The following MROH2A variants were observed in gnomAD, a reference collection of about 807,000 sequenced individuals.
MROH2A encodes maestro heat-like repeat-containing protein family member 2A.
Under a neutral mutation model 200.4 loss-of-function variants are expected in MROH2A, and 174 were observed. That is an observed-to-expected ratio of 0.87 (90% confidence interval 0.77 to 0.98). The LOEUF (loss-of-function observed/expected upper bound fraction) is 0.98, where lower values mean the gene tolerates loss of function less well. Among genes scored for constraint, MROH2A ranks in the 50% least tolerant of loss-of-function variants. The probability of loss-of-function intolerance (pLI) is 0.00; values close to 1 mark genes in which losing one functional copy is unlikely to be tolerated. For missense variants in MROH2A, 2,045 were observed against 2,139.6 expected, an observed-to-expected ratio of 0.96 and a Z score of 0.87; for synonymous variants, 829 against 840.4, an observed-to-expected ratio of 0.99 and a Z score of 0.23.
intron 24 of MROH2A, 146 bp from the exon 25 acceptor site, chr2:233,813,524 G>A (rs1703314507): frequency 1.7e-6 from 1 of 599,754 alleles, no homozygotes; most frequent in South Asian, 2.0e-5. Context: ...AGGGCCCCTG[G>A]GGAGGGATGC....
chr2:233,809,896 C>A (rs1340113563), intron 22 of MROH2A, among the ~76,000 whole-genome samples: 1 of 120,184 alleles, frequency 8.3e-6, no homozygotes, highest in Non-Finnish European at 1.7e-5. Flanking sequence ...CCATTCAACA[C>A]CAACTCTCCA....
Position 233,807,418 on chromosome 2 carries a change from T to C in MROH2A, c.2053-5T>C, listed in dbSNP as rs1702871116. ...TGAGCTCCTTCCTCCCTTCTGCCTC[T>C]CCAGGGCTTTCTGTACCGGGCCTTG... is the stretch of plus-strand genomic sequence containing the variant. On this transcript the variant is annotated splice_polypyrimidine_tract_variant and splice_region_variant and intron_variant, in intron 19 of 41. Coordinates refer to ENST00000389758, the MANE Select transcript of MROH2A (RefSeq NM_001394639.1). The surrounding 1 kb of genome is among the most constrained non-coding windows in gnomAD (Gnocchi z 4.3). The C allele has an allele frequency of 6.5e-7, 1 of 1,549,900 alleles. No homozygotes were observed.
Position 233,807,535 on chromosome 2 carries a change from A to G in MROH2A, c.2165A>G (p.Asp722Gly), listed in dbSNP as rs553197150. 2.3e-5 allele frequency: 36 copies of G among 1,550,468 alleles called. No homozygotes were observed. The African/African-American group carries it at 3.6e-4, about 15-fold the overall frequency. Residue 722 changes from aspartate (D) to glycine (G), a missense_variant, in exon 20 of 42, where the codon GAC (aspartate) becomes GGC (glycine). By Grantham distance (94) the Asp-to-Gly change is moderately conservative. This residue lies in a region of MROH2A where 1,201 missense variants were observed against 1,311.3 expected (regional missense o/e 0.92). Coordinates refer to ENST00000389758, the MANE Select transcript of MROH2A (RefSeq NM_001394639.1). The surrounding 1 kb of genome is among the most constrained non-coding windows in gnomAD (Gnocchi z 4.3). ...AAGACGGACTACAGCAATGACTTTG[A>G]CAGCGAGGTGAGGGTGCCTGCAGCC... ...LYKTDYSNDF[D>G]SEGVIMCFGL...
intron 19 of MROH2A, among the ~76,000 whole-genome samples, chr2:233,806,090 A>G (rs1343698622): frequency 1.3e-5 from 2 of 152,204 alleles, no homozygotes; most frequent in East Asian, 3.8e-4. Flanking sequence ...CTCTTGTGCT[A>G]AAAATAATAC....
chr2:233,787,163 A>G (rs1481163052), intron 3 of MROH2A, among the ~76,000 whole-genome samples: 1 of 152,028 alleles, frequency 6.6e-6, no homozygotes, highest in Non-Finnish European at 1.5e-5. Flanking sequence ...TTCTCTTGTG[A>G]CTATAAATAT....
intron 26 of MROH2A, among the ~76,000 whole-genome samples, chr2:233,815,914 C>T (rs560705782): frequency 6.7e-4 from 91 of 135,808 alleles, no homozygotes; most frequent in African/African-American, 2.4e-3. Context: ...TATTTCGGTT[C>T]GAAACATTTT....
intron 29 of MROH2A, 148 bp from the exon 30 acceptor site, chr2:233,819,169 C>A: frequency 1.2e-6 from 1 of 814,810 alleles, no homozygotes; most frequent in Non-Finnish European, 1.9e-6. Flanking sequence ...CCAGCCCCTT[C>A]TGGCTCAGCC....
rs1161713038 is a variant in MROH2A at position 233,820,804 on chromosome 2, C to T, written c.3512+748C>T. ...AGAAAAGAGTTTTAAAAATAGGCCC[C>T]GGCTCCAGAGCCACAAGGGCTGACC... On this transcript the variant is annotated intron_variant, in intron 31 of 41. Coordinates refer to ENST00000389758, the MANE Select transcript of MROH2A (RefSeq NM_001394639.1). The surrounding 1 kb of genome is among the most constrained non-coding windows in gnomAD (Gnocchi z 4.1). 1.3e-5 allele frequency among the ~76,000 whole-genome samples: 2 copies of T among 152,316 alleles called. No individual in the cohort carries two copies. The highest frequency in any genetic ancestry group is 4.8e-5 in the African/African-American group (2 of 41,576).
At chr2:233,811,010 C>G in intron 23 of MROH2A, 94 bp downstream of exon 23, 1 of 1,397,064 alleles carries the variant, frequency 7.2e-7, no homozygotes, top group Non-Finnish European at 9.7e-7. Flanking sequence ...AGGGCATCTG[C>G]AGAGCTCTCT....
intron 34 of MROH2A, 63 bp downstream of exon 34, chr2:233,823,081 A>G (rs1704057601): frequency 6.6e-7 from 1 of 1,523,216 alleles, no homozygotes; most frequent in Admixed American, 2.0e-5. Context: ...GCTGGATGGA[A>G]GGGCTCCTTG....
At chr2:233,800,861 T>G (rs559426986) in intron 14 of MROH2A, among the ~76,000 whole-genome samples, 3 of 151,786 alleles carry the variant, frequency 2.0e-5, no homozygotes, top group African/African-American at 7.3e-5. Context: ...AGAGGAAAAA[T>G]GTACCATGAG....
intron 38 of MROH2A, 135 bp downstream of exon 38, chr2:233,829,910 C>A: frequency 2.5e-6 from 2 of 804,486 alleles, no homozygotes; most frequent in Non-Finnish European, 3.4e-6. Context: ...ATCCCAGAGG[C>A]CACAGCCTGC....
chr2:233,807,543 G>C lies in MROH2A; in HGVS notation c.2172+1G>C, dbSNP rs1347459283. ...CTACAGCAATGACTTTGACAGCGAG[G>C]TGAGGGTGCCTGCAGCCTCCTCCTG... On this transcript the variant is annotated splice_donor_variant, in intron 20 of 41. Coordinates refer to ENST00000389758, the MANE Select transcript of MROH2A (RefSeq NM_001394639.1). LOFTEE classifies it high-confidence loss of function. The surrounding 1 kb of genome is among the most constrained non-coding windows in gnomAD (Gnocchi z 4.3). 4 of 1,550,334 alleles carry C rather than the reference G, an allele frequency of 2.6e-6. No homozygotes were observed. Among genetic ancestry groups the C allele is most frequent in the East Asian group, 2.4e-5 (1 of 40,932 alleles).
Position 233,833,392 on chromosome 2 carries a change from T to C in MROH2A, c.*133T>C. Reference sequence around the variant, plus strand: ...ACTAGTATCCTTTTGTTTCCTTCCGTTGAAATAAACCTCCACTGTCGTTGG... The same window carrying C: ...ACTAGTATCCTTTTGTTTCCTTCCGCTGAAATAAACCTCCACTGTCGTTGG... On this transcript the variant is annotated 3_prime_UTR_variant, in exon 42 of 42. Coordinates refer to ENST00000389758, the MANE Select transcript of MROH2A (RefSeq NM_001394639.1). 9.5e-7 allele frequency: 1 copy of C among 1,051,500 alleles called. No homozygotes were observed. Among genetic ancestry groups the C allele is most frequent in the South Asian group, 2.0e-5 (1 of 48,894 alleles). The allele number at this position is 1,051,500 out of a possible 1,614,324, so 65.1% of individuals were successfully genotyped here.
chr2:233,777,736 C>T (rs1700751627), upstream of MROH2A, among the ~76,000 whole-genome samples: 1 of 152,148 alleles, frequency 6.6e-6, no homozygotes, highest in African/African-American at 2.4e-5. Context: ...GAGTTTTGTT[C>T]CTGTTGTCTT....
At chr2:233,815,406 T>C (rs1170560654) in intron 26 of MROH2A, among the ~76,000 whole-genome samples, 1 of 152,246 alleles carries the variant, frequency 6.6e-6, no homozygotes, top group Non-Finnish European at 1.5e-5. Context: ...GTTTTTGGTT[T>C]TGACGAAGTC....
chr2:233,803,088 G>C (rs547231615), intron 15 of MROH2A, among the ~76,000 whole-genome samples: 55 of 152,302 alleles, frequency 3.6e-4, no homozygotes, highest in African/African-American at 1.2e-3. Context: ...AGAGAGTCAG[G>C]AGTGGGTAGA....
intron 5 of MROH2A, among the ~76,000 whole-genome samples, chr2:233,791,672 C>T (rs529540165): frequency 9.2e-4 from 140 of 152,136 alleles, no homozygotes; most frequent in East Asian, 1.5e-3. Context: ...TGGCAAGGCT[C>T]GGGAGGAGTC....
chr2:233,820,876 G>A lies in MROH2A; in HGVS notation c.3512+820G>A, dbSNP rs1703890095. Among the ~76,000 whole-genome samples the A allele has an allele frequency of 6.6e-6, 1 of 152,202 alleles. No individual in the cohort carries two copies. The highest frequency in any genetic ancestry group is 6.5e-5 in the Admixed American group (1 of 15,290). The stretch of plus-strand genomic sequence containing the variant: ...TCCCCTGTGGAGCTGCTTCTCATAA[G>A]GGCAGCCCTGCCGTGGGTCCAGCTG... On this transcript the variant is annotated intron_variant, in intron 31 of 41. Coordinates refer to ENST00000389758, the MANE Select transcript of MROH2A (RefSeq NM_001394639.1). The surrounding 1 kb of genome is among the most constrained non-coding windows in gnomAD (Gnocchi z 4.1).
Sources: allele counts gnomAD v4.1 joint callset (sites outside exome capture counted in the v4.1 genomes callset), GRCh38; gene constraint gnomAD v4.1.1; regional missense constraint gnomAD v4.1.1; non-coding constraint Gnocchi (gnomAD v3.1); transcripts MANE v1.5; gene names NCBI Gene and HGNC (gene_info 2026-07-23, HGNC 2026-07-21).